L3MBTL4: variants seen among roughly 807,000 people sequenced by gnomAD.
L3MBTL4 encodes the protein L3MBTL histone methyl-lysine binding protein 4.
Under a neutral mutation model 84.5 loss-of-function variants are expected in L3MBTL4, and 70 were observed. The observed-to-expected ratio is 0.83, with a 90% confidence interval of 0.68 to 1.01. The LOEUF (loss-of-function observed/expected upper bound fraction) is 1.01. Among genes scored for constraint, L3MBTL4 ranks in the 50% least tolerant of loss-of-function variants. The pLI, the probability that L3MBTL4 is intolerant of heterozygous loss-of-function variation, is 0.00. For synonymous variants in L3MBTL4, 274 were observed against 259.8 expected (o/e 1.05, Z -0.52); for missense variants, 715 against 754.8 (o/e 0.95, Z 0.62).
At chr18:6,061,895 A>G (rs189695885) in intron 16 of L3MBTL4, among the ~76,000 whole-genome samples, 1 of 152,000 alleles carries the variant, frequency 6.6e-6, no homozygotes, top group Non-Finnish European at 1.5e-5. Flanking sequence ...ATAGCAGAAT[A>G]TTCCCCAATT....
chr18:6,190,691 AAAT>A (rs1456239329), intron 12 of L3MBTL4, among the ~76,000 whole-genome samples: 1 of 152,230 alleles, frequency 6.6e-6, no homozygotes, highest in Admixed American at 6.5e-5. Flanking sequence ...AGGGATAATC[AAAT>A]AATATCAAAT....
At chr18:6,362,276 AAAAAGAAAG>A (rs2053740546) in intron 1 of L3MBTL4, among the ~76,000 whole-genome samples, 1 of 151,952 alleles carries the variant, frequency 6.6e-6, no homozygotes, top group East Asian at 1.9e-4. Context: ...GGAAAAGAAG[AAAAAGAAAG>A]AAGAGAAAGA....
chr18:6,046,948 A>T (rs575037507), intron 16 of L3MBTL4, among the ~76,000 whole-genome samples: 3 of 152,336 alleles, frequency 2.0e-5, no homozygotes, highest in African/African-American at 7.2e-5. Context: ...ACATACAAAG[A>T]ATCAACAAAC....
At chr18:6,195,276 G>A (rs575278188) in intron 12 of L3MBTL4, among the ~76,000 whole-genome samples, 29 of 152,318 alleles carry the variant, frequency 1.9e-4, no homozygotes, top group African/African-American at 6.7e-4. Flanking sequence ...TGTTCTGGAG[G>A]AGAGAAGGGG....
chr18:6,180,175 C>A (rs1230432162), intron 12 of L3MBTL4, among the ~76,000 whole-genome samples: 1 of 152,056 alleles, frequency 6.6e-6, no homozygotes, highest in Non-Finnish European at 1.5e-5. Context: ...AACATTAACT[C>A]CACATTCAGT....
intron 14 of L3MBTL4, among the ~76,000 whole-genome samples, chr18:6,121,187 G>A (rs1272401774): frequency 6.6e-6 from 1 of 152,212 alleles, no homozygotes; most frequent in African/African-American, 2.4e-5. Context: ...TAAGCAGCAT[G>A]TTCATTTACA....
chr18:6,163,260 G>GT lies in L3MBTL4; in HGVS notation c.1096+8567_1096+8568insA, dbSNP rs1491572437. Among the ~76,000 whole-genome samples the GT allele has an allele frequency of 4.5e-3, 322 of 71,004 alleles. 6 individuals carry two copies. Among genetic ancestry groups the GT allele is most frequent in the African/African-American group, 0.017 (298 of 17,468 alleles). The allele number at this position is 71,004 out of a possible 152,430, so 46.6% of individuals were successfully genotyped here. A position where few individuals can be genotyped will look rare whatever the true frequency, so the allele number is the denominator to read the frequency against. On this transcript the variant is annotated intron_variant, in intron 13 of 18. Transcript: ENST00000317931. ...TGTTTGTCTACGGGTGTGTGTGTGT[G>GT]GGGGGGGGGTGGGTGTGTGTGTGTG...
chr18:6,153,358 C>T (rs1259742498), intron 13 of L3MBTL4, among the ~76,000 whole-genome samples: 1 of 152,066 alleles, frequency 6.6e-6, no homozygotes, highest in Non-Finnish European at 1.5e-5. Context: ...TATGGGATAT[C>T]TTCCCATTTA....
chr18:6,091,144 T>A (rs1229738765), intron 15 of L3MBTL4, among the ~76,000 whole-genome samples: 2 of 152,224 alleles, frequency 1.3e-5, no homozygotes, highest in African/African-American at 4.8e-5. Flanking sequence ...GGGACAGTAC[T>A]ACAAGTAAGC....
At chr18:6,396,917 C>A (rs900392552) in intron 1 of L3MBTL4, 1 of 152,192 alleles carries the variant, frequency 6.6e-6, no homozygotes. Context: ...AAAAGGCTAA[C>A]CAATGAGTTA....
At chr18:6,338,204 A>C (rs1292319155) in intron 1 of L3MBTL4, among the ~76,000 whole-genome samples, 1 of 151,984 alleles carries the variant, frequency 6.6e-6, no homozygotes, top group Admixed American at 6.6e-5. Flanking sequence ...GGAAGAGAGA[A>C]GAAAAGCGGA....
intron 14 of L3MBTL4, among the ~76,000 whole-genome samples, chr18:6,103,950 T>G (rs1218475049): frequency 6.6e-6 from 1 of 152,150 alleles, no homozygotes; most frequent in East Asian, 1.9e-4. Flanking sequence ...ACAAGAAGAT[T>G]TGCAGAGGTC....
At chr18:6,089,446 A>G (rs576975401) in intron 15 of L3MBTL4, among the ~76,000 whole-genome samples, 1 of 152,218 alleles carries the variant, frequency 6.6e-6, no homozygotes, top group Non-Finnish European at 1.5e-5. Flanking sequence ...TCACAAAATA[A>G]GAAACAGACG....
At chr18:6,132,413 T>C (rs1446701593) in intron 14 of L3MBTL4, among the ~76,000 whole-genome samples, 1 of 152,158 alleles carries the variant, frequency 6.6e-6, no homozygotes. Flanking sequence ...GTTCGCTCTC[T>C]AATAATGAGG....
intron 16 of L3MBTL4, among the ~76,000 whole-genome samples, chr18:6,033,100 A>G (rs1026732382): frequency 1.3e-5 from 2 of 152,214 alleles, no homozygotes; most frequent in Admixed American, 1.3e-4. Flanking sequence ...TTATTACCAT[A>G]TAACTGTCTA....
chr18:5,988,683 T>C (rs1375206222), intron 16 of L3MBTL4, among the ~76,000 whole-genome samples: 1 of 152,192 alleles, frequency 6.6e-6, no homozygotes, highest in African/African-American at 2.4e-5. Context: ...AATCACTCTT[T>C]TGACACATTT....
chr18:6,354,131 T>C (rs929632406), intron 1 of L3MBTL4, among the ~76,000 whole-genome samples: 4 of 151,996 alleles, frequency 2.6e-5, no homozygotes, highest in African/African-American at 9.7e-5. Context: ...CAAATCCACA[T>C]ACCTACAGTG....
At chr18:6,262,283 T>C (rs2048440682) in intron 5 of L3MBTL4, among the ~76,000 whole-genome samples, 1 of 152,138 alleles carries the variant, frequency 6.6e-6, no homozygotes, top group South Asian at 2.1e-4. Context: ...ACTGCCCTGG[T>C]CCCAGCCAAC....
At chr18:6,070,389 C>T (rs147900235) in intron 16 of L3MBTL4, among the ~76,000 whole-genome samples, 110 of 151,590 alleles carry the variant, frequency 7.3e-4, no homozygotes, top group African/African-American at 1.9e-3. Context: ...CAGAAGCCAA[C>T]GGATTACCAT....
Sources: gnomAD v4.1 joint callset for allele counts (sites outside exome capture counted in the v4.1 genomes callset) on GRCh38, gnomAD v4.1.1 for gene constraint, MANE v1.5 for transcripts, NCBI Gene and HGNC (gene_info 2026-07-23, HGNC 2026-07-21) for gene names.